Variants in DDR2 observed in about 807,000 individuals in gnomAD.
The protein encoded by DDR2 is discoidin domain-containing receptor 2.
Under a neutral mutation model 94.9 loss-of-function variants are expected in DDR2, and 27 were observed. That is an observed-to-expected ratio of 0.28 (90% CI 0.21 to 0.39). DDR2 has a LOEUF of 0.39. DDR2 is among the 10% of genes least tolerant of loss of function. DDR2 has a pLI of 1.00. For missense variants in DDR2, 783 were observed against 1,076.0 expected, an observed-to-expected ratio of 0.73 and a Z score of 3.81; for synonymous variants, 382 against 377.2, an observed-to-expected ratio of 1.01 and a Z score of -0.15.
chr1:162,656,540 C>T (rs1657974056), intron 2 of DDR2, among the ~76,000 whole-genome samples: 1 of 151,994 alleles, frequency 6.6e-6, no homozygotes, highest in South Asian at 2.1e-4. Context: ...CCACAGATTG[C>T]CTTCAAATTT....
chr1:162,676,209 A>G (rs1193645571), intron 2 of DDR2, among the ~76,000 whole-genome samples: 5 of 152,036 alleles, frequency 3.3e-5, no homozygotes, highest in Non-Finnish European at 7.4e-5. Context: ...CTAAAGGCTC[A>G]TAAAACTTCT....
Position 162,775,853 on chromosome 1 carries a change from C to T in DDR2, c.2048+10C>T, listed in dbSNP as rs2102196877. 6.2e-7 allele frequency: 1 copy of T among 1,613,810 alleles called. No homozygotes were observed. Reference sequence around the variant, plus strand: ...ATGTACGCACTGTCAGGTAAACAAGCCAGGTCTTCCTTCTCCTCCCTGTGG... The same window carrying T: ...ATGTACGCACTGTCAGGTAAACAAGTCAGGTCTTCCTTCTCCTCCCTGTGG... On this transcript the variant is annotated intron_variant, in intron 15 of 17. Coordinates refer to ENST00000367921, the MANE Select transcript of DDR2 (RefSeq NM_006182.4).
chr1:162,680,041 T>C (rs1206326280), intron 2 of DDR2, among the ~76,000 whole-genome samples: 1 of 152,220 alleles, frequency 6.6e-6, no homozygotes, highest in Non-Finnish European at 1.5e-5. Context: ...ATTAAGTCTT[T>C]GTCTGTTGTT....
intron 1 of DDR2, among the ~76,000 whole-genome samples, chr1:162,641,628 T>C (rs1657131234): frequency 6.6e-6 from 1 of 152,188 alleles, no homozygotes; most frequent in South Asian, 2.1e-4. Context: ...TTATTTGTTG[T>C]TGGAAAAATT....
Position 162,755,248 on chromosome 1 carries a change from C to T in DDR2, c.510C>T (p.Thr170=), listed in dbSNP as rs56313008. ...VARFVRFIPV[T]DHSMNVCMRV... ...GATTTGTCCGGTTCATTCCAGTCAC[C>T]GACCACTCCATGAATGTGTGTATGA... Residue 170 remains threonine (T), a synonymous_variant, in exon 6 of 18, where the codon ACC becomes ACT. Coordinates refer to ENST00000367921, the MANE Select transcript of DDR2 (RefSeq NM_006182.4). The T allele has an allele frequency of 7.0e-4, 1,128 of 1,613,996 alleles. 9 individuals are homozygous for T. In the African/African-American group the frequency reaches 0.013, roughly 18 times the overall value.
At chr1:162,717,359 A>T (rs187922599) in intron 2 of DDR2, among the ~76,000 whole-genome samples, 2 of 152,208 alleles carry the variant, frequency 1.3e-5, no homozygotes, top group Non-Finnish European at 2.9e-5. Flanking sequence ...TTATATTTAC[A>T]TAATCATTGT....
intron 2 of DDR2, among the ~76,000 whole-genome samples, chr1:162,680,752 C>T (rs749517535): frequency 2.0e-5 from 3 of 152,160 alleles, no homozygotes; most frequent in Admixed American, 1.3e-4. Flanking sequence ...TATAACCCAA[C>T]CTTAAAGACT....
chr1:162,742,457 C>G (rs1019086419), intron 3 of DDR2, among the ~76,000 whole-genome samples: 2 of 152,176 alleles, frequency 1.3e-5, no homozygotes, highest in African/African-American at 4.8e-5. Flanking sequence ...AGGAGCCAGA[C>G]AGAGAGAGTG....
In DDR2 at chr1:162,781,888, C is replaced by T. The variant is rs1647924603; in HGVS notation, c.*1642C>T. 6.6e-6 allele frequency: 1 copy of T among 152,210 alleles called. No individual in the cohort carries two copies. The highest frequency in any genetic ancestry group is 1.5e-5 in the Non-Finnish European group (1 of 68,040). The allele number at this position is 152,210 out of a possible 1,614,324, so 9.4% of individuals were successfully genotyped here. A position where few individuals can be genotyped will look rare whatever the true frequency, so the allele number is the denominator to read the frequency against. ...GATTAGCCTTGACCCCTTGGGTCTG[C>T]CTCTGTTGCCCTCACCAGTTTACCT... On this transcript the variant is annotated 3_prime_UTR_variant, in exon 18 of 18. Coordinates refer to ENST00000367921, the MANE Select transcript of DDR2 (RefSeq NM_006182.4).
At chr1:162,771,163 G>A (rs1211010586) in intron 12 of DDR2, among the ~76,000 whole-genome samples, 3 of 152,208 alleles carry the variant, frequency 2.0e-5, no homozygotes, top group East Asian at 1.9e-4. Context: ...TTCAAATTTC[G>A]ATGTCTTTCA....
chr1:162,681,491 T>A (rs1388961295), intron 2 of DDR2, among the ~76,000 whole-genome samples: 1 of 152,186 alleles, frequency 6.6e-6, no homozygotes, highest in Non-Finnish European at 1.5e-5. Context: ...GGTTGTAGTA[T>A]GTTGGACCTG....
At chr1:162,677,781 A>G (rs1016703017) in intron 2 of DDR2, among the ~76,000 whole-genome samples, 1 of 152,320 alleles carries the variant, frequency 6.6e-6, no homozygotes. Flanking sequence ...TCAGGGATCC[A>G]GGAAGTTATT....
intron 2 of DDR2, among the ~76,000 whole-genome samples, chr1:162,664,514 G>T (rs1333672608): frequency 6.6e-6 from 1 of 152,012 alleles, no homozygotes; most frequent in African/African-American, 2.4e-5. Context: ...AAATATATAA[G>T]TTATAAGCCT....
chr1:162,675,004 A>G (rs898019175), intron 2 of DDR2, among the ~76,000 whole-genome samples: 1 of 152,096 alleles, frequency 6.6e-6, no homozygotes, highest in Non-Finnish European at 1.5e-5. Context: ...AAGTACAAAA[A>G]AAAACTAGCC....
chr1:162,730,867 G>A (rs1157308378), intron 3 of DDR2, among the ~76,000 whole-genome samples: 5 of 152,144 alleles, frequency 3.3e-5, no homozygotes, highest in African/African-American at 9.7e-5. Flanking sequence ...CTGCATGCTC[G>A]AGGGATACCA....
At chr1:162,634,755 T>C (rs1241889781) in intron 1 of DDR2, among the ~76,000 whole-genome samples, 1 of 152,244 alleles carries the variant, frequency 6.6e-6, no homozygotes, top group Non-Finnish European at 1.5e-5. Flanking sequence ...CTGTGCTTGG[T>C]GAAGCATCCC....
Position 162,786,978 on chromosome 1 carries a change from A to G in DDR2, c.*6732A>G, listed in dbSNP as rs1167685806. Reference sequence around the variant, plus strand: ...GTCTCAGACTACCTGCACATGCACAAACCAAAAAAAACTATGAAAACCAGA... The same window carrying G: ...GTCTCAGACTACCTGCACATGCACAGACCAAAAAAAACTATGAAAACCAGA... On this transcript the variant is annotated 3_prime_UTR_variant, in exon 18 of 18. Coordinates refer to ENST00000367921, the MANE Select transcript of DDR2 (RefSeq NM_006182.4). 3 of 152,218 alleles carry G rather than the reference A, an allele frequency of 2.0e-5. No homozygotes were observed. Among genetic ancestry groups the G allele is most frequent in the African/African-American group, 7.2e-5 (3 of 41,460 alleles). 9.4% of individuals were successfully genotyped at this position (152,218 alleles called of 1,614,324 possible). A position where few individuals can be genotyped will look rare whatever the true frequency, so the allele number is the denominator to read the frequency against.
Position 162,783,181 on chromosome 1 carries a change from T to C in DDR2, c.*2935T>C, listed in dbSNP as rs1647998996. The stretch of plus-strand genomic sequence containing the variant: ...TGAATTATTTTATGTGCAGATTGTG[T>C]TTTGGGATTGTCAGATCTAAACTTA... On this transcript the variant is annotated 3_prime_UTR_variant, in exon 18 of 18. Coordinates refer to ENST00000367921, the MANE Select transcript of DDR2 (RefSeq NM_006182.4). 1 of 152,204 alleles carries C rather than the reference T, an allele frequency of 6.6e-6. No homozygotes were observed. The highest frequency in any genetic ancestry group is 2.4e-5 in the African/African-American group (1 of 41,442). The allele number at this position is 152,204 out of a possible 1,614,324, so 9.4% of individuals were successfully genotyped here.
intron 3 of DDR2, among the ~76,000 whole-genome samples, chr1:162,727,066 A>G (rs1284281153): frequency 6.9e-6 from 1 of 145,072 alleles, no homozygotes; most frequent in Admixed American, 7.2e-5. Flanking sequence ...AATATATTAT[A>G]AATATTATAA....
Sources: gnomAD v4.1 joint callset for allele counts (sites outside exome capture counted in the v4.1 genomes callset) on GRCh38, gnomAD v4.1.1 for gene constraint, MANE v1.5 for transcripts, NCBI Gene and HGNC (gene_info 2026-07-23, HGNC 2026-07-21) for gene names.